The following MSRA variants were observed in gnomAD, a reference collection of about 807,000 sequenced individuals.
The protein encoded by MSRA is methionine sulfoxide reductase A.
In MSRA, 54 loss-of-function variants were observed where a neutral mutation model predicts 31.3. The ratio of observed to expected loss-of-function variants is 1.73; its 90% CI spans 1.39 to 2.17. The LOEUF is 2.17. Among genes scored for constraint, MSRA ranks in the 30% most tolerant of loss-of-function variants. The probability of loss-of-function intolerance (pLI) is 0.00; values close to 1 mark genes in which losing one functional copy is unlikely to be tolerated. For synonymous variants in MSRA, 169 were observed against 116.5 expected (o/e 1.45, Z -2.90); for missense variants, 507 against 300.9 (o/e 1.69, Z -5.07).
chr8:10,381,285 C>T (rs1278717713), intron 5 of MSRA, among the ~76,000 whole-genome samples: 1 of 152,158 alleles, frequency 6.6e-6, no homozygotes, highest in South Asian at 2.1e-4. Flanking sequence ...CCTTTCTTTT[C>T]TCTTTGATCC....
intron 1 of MSRA, among the ~76,000 whole-genome samples, chr8:10,139,544 G>A (rs958245615): frequency 1.3e-5 from 2 of 152,008 alleles, no homozygotes; most frequent in African/African-American, 4.8e-5. Context: ...CCAAGTCCCC[G>A]ATATCTGTTT....
intron 5 of MSRA, among the ~76,000 whole-genome samples, chr8:10,395,311 T>C (rs1463732613): frequency 6.6e-6 from 1 of 152,024 alleles, no homozygotes; most frequent in Non-Finnish European, 1.5e-5. Flanking sequence ...GGCAATGCCT[T>C]ATAGGGAGAA....
intron 3 of MSRA, among the ~76,000 whole-genome samples, chr8:10,285,472 C>A (rs146958597): frequency 1.3e-5 from 2 of 152,052 alleles, no homozygotes; most frequent in Non-Finnish European, 2.9e-5. Context: ...TCACCTCAGA[C>A]GTTTATCATT....
At chr8:10,233,516 A>T (rs1363113895) in intron 2 of MSRA, among the ~76,000 whole-genome samples, 1 of 152,250 alleles carries the variant, frequency 6.6e-6, no homozygotes, top group East Asian at 1.9e-4. Flanking sequence ...AAAGAACTAA[A>T]TATAAAACTT....
chr8:10,375,172 A>G (rs148449592), intron 5 of MSRA, among the ~76,000 whole-genome samples: 4 of 152,132 alleles, frequency 2.6e-5, no homozygotes, highest in Admixed American at 1.3e-4. Context: ...TACAGCCACA[A>G]ATCTGCTCCC....
At chr8:10,170,039 AAT>A (rs894310911) in intron 1 of MSRA, among the ~76,000 whole-genome samples, 3 of 122,894 alleles carry the variant, frequency 2.4e-5, no homozygotes, top group African/African-American at 1.2e-4. Flanking sequence ...ACGCCTGGCT[AAT>A]ATTTTTTTTT....
At chr8:10,175,904 A>G (rs1255398337) in intron 1 of MSRA, among the ~76,000 whole-genome samples, 2 of 152,198 alleles carry the variant, frequency 1.3e-5, no homozygotes, top group African/African-American at 4.8e-5. Context: ...TTCATTCCTT[A>G]CAATAGATGT....
At chr8:10,302,221 G>A (rs1366709008) in intron 4 of MSRA, among the ~76,000 whole-genome samples, 1 of 152,216 alleles carries the variant, frequency 6.6e-6, no homozygotes, top group Non-Finnish European at 1.5e-5. Flanking sequence ...ATGGTGGTTG[G>A]AAATTTTATT....
chr8:10,089,962 C>G (rs78046771), intron 1 of MSRA, among the ~76,000 whole-genome samples: 2,135 of 152,290 alleles, frequency 0.014, 41 homozygotes, highest in Admixed American at 0.052. Flanking sequence ...CTCCCAACAC[C>G]ATCACAGTGG....
chr8:10,246,843 C>CA (rs1252636328), intron 3 of MSRA, among the ~76,000 whole-genome samples: 1 of 151,934 alleles, frequency 6.6e-6, no homozygotes, highest in African/African-American at 2.4e-5. Context: ...ACTTCTGTTT[C>CA]AAAATTAAAC....
intron 1 of MSRA, among the ~76,000 whole-genome samples, chr8:10,096,899 C>A (rs1234916380): frequency 6.6e-6 from 1 of 152,128 alleles, no homozygotes; most frequent in Non-Finnish European, 1.5e-5. Flanking sequence ...TTCCTATAAT[C>A]ATGTATTTTC....
intron 1 of MSRA, among the ~76,000 whole-genome samples, chr8:10,152,192 A>G (rs548417458): frequency 2.0e-5 from 3 of 152,380 alleles, no homozygotes; most frequent in East Asian, 1.9e-4. Flanking sequence ...AAAAGTATAG[A>G]CAGAGAACAA....
chr8:10,408,202 A>C (rs6999466), intron 5 of MSRA, among the ~76,000 whole-genome samples: 1 of 151,946 alleles, frequency 6.6e-6, no homozygotes, highest in Non-Finnish European at 1.5e-5. Flanking sequence ...AGCATCATTC[A>C]TTAGCACCAC....
intron 3 of MSRA, among the ~76,000 whole-genome samples, chr8:10,251,299 T>G (rs1797904979): frequency 6.6e-6 from 1 of 152,192 alleles, no homozygotes; most frequent in African/African-American, 2.4e-5. Context: ...ATCCCATTCT[T>G]CAGAGTAGGG....
Position 10,323,089 on chromosome 8 carries a change from C to CAAAAAA in MSRA, c.543+3114_543+3119dup, listed in dbSNP as rs34539032. On this transcript the variant is annotated intron_variant, in intron 5 of 5. Coordinates refer to ENST00000317173, the MANE Select transcript of MSRA (RefSeq NM_012331.5). ...TGGGCAACAGAGTGAGACTCCATCT[C>CAAAAAA]AAAAAAAAAAAAAAAAAAATGCAGA... is the stretch of plus-strand genomic sequence containing the variant. Among the ~76,000 whole-genome samples, 3 of 112,298 alleles carry CAAAAAA rather than the reference C, an allele frequency of 2.7e-5. 1 individual carries two copies. Among genetic ancestry groups the CAAAAAA allele is most frequent in the African/African-American group, 7.3e-5 (2 of 27,244 alleles). 73.7% of individuals were successfully genotyped at this position (112,298 alleles called of 152,430 possible).
chr8:10,165,539 A>G (rs1445592057), intron 1 of MSRA, among the ~76,000 whole-genome samples: 1 of 152,200 alleles, frequency 6.6e-6, no homozygotes, highest in Non-Finnish European at 1.5e-5. Flanking sequence ...GAGAGGGGAC[A>G]GCAGCACGTT....
chr8:10,228,016 C>G (rs1310376782), intron 2 of MSRA, among the ~76,000 whole-genome samples: 1 of 152,152 alleles, frequency 6.6e-6, no homozygotes, highest in East Asian at 1.9e-4. Context: ...TTGAATCCCC[C>G]CTCCCCTGCT....
intron 4 of MSRA, among the ~76,000 whole-genome samples, chr8:10,318,790 G>C (rs6601435): frequency 1 from 152,291 of 152,302 alleles, 76,140 homozygotes; most frequent in Non-Finnish European, 1. Flanking sequence ...AAGCATCTTT[G>C]TCATCTGGGC....
intron 2 of MSRA, among the ~76,000 whole-genome samples, chr8:10,235,273 C>A (rs1381825612): frequency 1.3e-5 from 2 of 152,066 alleles, no homozygotes; most frequent in East Asian, 3.9e-4. Context: ...GTATAACAGG[C>A]CATATGTTTG....
Sources: gnomAD v4.1 joint callset for allele counts (sites outside exome capture counted in the v4.1 genomes callset) on GRCh38, gnomAD v4.1.1 for gene constraint, MANE v1.5 for transcripts, NCBI Gene and HGNC (gene_info 2026-07-23, HGNC 2026-07-21) for gene names.